Variants in GCN1 observed in about 807,000 individuals in gnomAD.
GCN1 encodes the protein GCN1 activator of EIF2AK4.
In GCN1, 90 loss-of-function variants were observed where a neutral mutation model predicts 288.4. The observed-to-expected ratio is 0.31, with a 90% CI of 0.26 to 0.37. The LOEUF is 0.37. GCN1 is among the 10% of genes least tolerant of loss of function. The pLI is 1.00. For synonymous variants in GCN1, 1,386 were observed against 1,420.2 expected, an observed-to-expected ratio of 0.98 and a Z score of 0.54; for missense variants, 2,586 against 3,419.9, an observed-to-expected ratio of 0.76 and a Z score of 6.08.
Position 120,144,911 on chromosome 12 carries a change from C to T in GCN1, c.5155+12G>A, listed in dbSNP as rs1352965216. 5 of 1,614,080 alleles carry T rather than the reference C, an allele frequency of 3.1e-6. No homozygotes were observed. The highest frequency in any genetic ancestry group is 4.2e-6 in the Non-Finnish European group (5 of 1,180,044). On this transcript the variant is annotated intron_variant, in intron 40 of 57. Transcript: ENST00000300648. The surrounding 1 kb of genome is among the most constrained non-coding windows in gnomAD (Gnocchi z 4.7). Reference sequence around the variant, plus strand: ...ATTCCCAGGCTGGCCACTGGACCTGCTCTGGCCTTACCCTGTGCAGCGCCT... The same window carrying T: ...ATTCCCAGGCTGGCCACTGGACCTGTTCTGGCCTTACCCTGTGCAGCGCCT...
chr12:120,174,465 A>T (rs1267734228), intron 12 of GCN1, among the ~76,000 whole-genome samples: 3 of 152,198 alleles, frequency 2.0e-5, no homozygotes, highest in African/African-American at 7.2e-5. Flanking sequence ...GATGCAAAGA[A>T]GGCTTCGCCT....
At position 120,134,287 on chromosome 12, in the gene GCN1, G is replaced by T; in HGVS notation, c.7317+4C>A. 4 of 1,602,240 alleles carry T rather than the reference G, an allele frequency of 2.5e-6. No individual in the cohort carries two copies. Among genetic ancestry groups the T allele is most frequent in the African/African-American group, 1.3e-5 (1 of 74,838 alleles). ...GCTGCCACTAGTCCTGCCTGCAGCC[G>T]TACCTCATCGTGTCCCAGCATGCTC... On this transcript the variant is annotated splice_donor_region_variant and intron_variant, in intron 53 of 57. Transcript: ENST00000300648. This position sits in a 1 kb window ranked among gnomAD's most constrained non-coding sequence, Gnocchi z 5.0.
rs1447889019 is a variant in GCN1, at chr12:120,137,819, A to T, written c.6394-5T>A. ...AGCCTGACAATTGGCCATCTCCTGC[A>T]AACCACAAGGGACATGTGTGCTGAG... On this transcript the variant is annotated splice_region_variant and splice_polypyrimidine_tract_variant and intron_variant, in intron 48 of 57. Coordinates refer to ENST00000300648, the MANE Select transcript of GCN1 (RefSeq NM_006836.2). The surrounding 1 kb of genome is among the most constrained non-coding windows in gnomAD (Gnocchi z 5.2). 1.7e-5 allele frequency: 27 copies of T among 1,613,336 alleles called. No individual in the cohort carries two copies. The highest frequency in any genetic ancestry group is 2.0e-5 in the Non-Finnish European group (23 of 1,179,370).
chr12:120,129,232 C>T lies in GCN1; in HGVS notation c.7890+44G>A, dbSNP rs765457878. The T allele has an allele frequency of 4.4e-6, 6 of 1,360,832 alleles. No individual in the cohort carries two copies. In the Admixed American group the frequency reaches 1.0e-4, roughly 23 times the overall value. The allele number at this position is 1,360,832 out of a possible 1,614,324, so 84.3% of individuals were successfully genotyped here. On this transcript the variant is annotated intron_variant, in intron 57 of 57. Coordinates refer to ENST00000300648, the MANE Select transcript of GCN1 (RefSeq NM_006836.2). ...TCCATGCTGAAGAAGAGCTGAAAGA[C>T]AAATGCTCACAGCACATCCTGGTGA...
Position 120,137,094 on chromosome 12 carries a change from C to T in GCN1, c.6777+112G>A, listed in dbSNP as rs1363148409. 6.5e-6 allele frequency: 5 copies of T among 768,254 alleles called. No individual in the cohort carries two copies. The highest frequency in any genetic ancestry group is 1.1e-5 in the Non-Finnish European group (5 of 435,780). The allele number at this position is 768,254 out of a possible 1,614,324, so 47.6% of individuals were successfully genotyped here. A position where few individuals can be genotyped will look rare whatever the true frequency, so the allele number is the denominator to read the frequency against. On this transcript the variant is annotated intron_variant, in intron 50 of 57. Coordinates refer to ENST00000300648, the MANE Select transcript of GCN1 (RefSeq NM_006836.2). The surrounding 1 kb of genome is among the most constrained non-coding windows in gnomAD (Gnocchi z 5.2). ...GTCTGCGAAGGTGCTGAACACCAAC[C>T]ACCACGGCTACTGCTCCAGCAGCCC...
At chr12:120,141,385 A>C (rs1005645475) in intron 44 of GCN1, among the ~76,000 whole-genome samples, 2 of 152,128 alleles carry the variant, frequency 1.3e-5, no homozygotes, top group Non-Finnish European at 2.9e-5. Context: ...CAAAGCTTTA[A>C]GGAAAAAAAA....
At chr12:120,167,696 C>T (rs2139122546) in intron 16 of GCN1, among the ~76,000 whole-genome samples, 1 of 152,218 alleles carries the variant, frequency 6.6e-6, no homozygotes, top group African/African-American at 2.4e-5. Flanking sequence ...AAATGACTAA[C>T]AGTTGTAGCT....
chr12:120,172,634 C>T (rs1361345760), intron 14 of GCN1, among the ~76,000 whole-genome samples: 2 of 152,030 alleles, frequency 1.3e-5, no homozygotes, highest in African/African-American at 4.8e-5. Flanking sequence ...CTCAGCCTCC[C>T]GAGTAGCTGG....
rs560198581 is a variant in GCN1 at position 120,152,412 on chromosome 12, A to C, written c.4062+801T>G. Among the ~76,000 whole-genome samples, 1,024 of 106,126 alleles carry C rather than the reference A, an allele frequency of 9.6e-3. 4 individuals are homozygous for C. The highest frequency in any genetic ancestry group is 0.014 in the Middle Eastern group (3 of 210). The allele number at this position is 106,126 out of a possible 152,430, so 69.6% of individuals were successfully genotyped here. On this transcript the variant is annotated intron_variant, in intron 33 of 57. Coordinates refer to ENST00000300648, the MANE Select transcript of GCN1 (RefSeq NM_006836.2). ...GCGCACACACACACACACACACACA[A>C]AATATATATATATAAATATATATAT...
At chr12:120,135,877 G>T (rs1424935752) in intron 51 of GCN1, among the ~76,000 whole-genome samples, 2 of 152,028 alleles carry the variant, frequency 1.3e-5, no homozygotes. Context: ...TTAGCCAGGT[G>T]TAGTGGCAGA....
Position 120,142,965 on chromosome 12 carries a change from G to T in GCN1, c.5496-24C>A. On this transcript the variant is annotated intron_variant, in intron 42 of 57. Transcript: ENST00000300648. The surrounding 1 kb of genome is among the most constrained non-coding windows in gnomAD (Gnocchi z 4.9). ...ACCTGAGAAGGAGGCCAACAACACA[G>T]TCACACAGCTGCAAGGAGTGGGCTC... The T allele has an allele frequency of 7.1e-7, 1 of 1,411,314 alleles. No individual in the cohort carries two copies. Among genetic ancestry groups the T allele is most frequent in the Non-Finnish European group, 1.0e-6 (1 of 995,064 alleles). 87.4% of individuals were successfully genotyped at this position (1,411,314 alleles called of 1,614,324 possible). A position where few individuals can be genotyped will look rare whatever the true frequency, so the allele number is the denominator to read the frequency against.
chr12:120,151,044 AG>A, intron 34 of GCN1, 100 bp downstream of exon 34: 1 of 1,324,206 alleles, frequency 7.6e-7, no homozygotes, highest in Non-Finnish European at 1.1e-6. Context: ...TACACGCACA[AG>A]CAACGGCCTC....
At chr12:120,165,002 T>TATACACACACACACACAC (rs533586250) in intron 16 of GCN1, among the ~76,000 whole-genome samples, 48 of 136,886 alleles carry the variant, frequency 3.5e-4, no homozygotes, top group African/African-American at 1.2e-3. Flanking sequence ...TACACATATA[T>TATACACACACACACACAC]ACACACACAC....
chr12:120,147,589 G>T (rs961844497), intron 37 of GCN1, among the ~76,000 whole-genome samples: 2 of 152,224 alleles, frequency 1.3e-5, no homozygotes, highest in Admixed American at 1.3e-4. Flanking sequence ...TAATGGAGAA[G>T]TGTGTTGAAA....
intron 50 of GCN1, among the ~76,000 whole-genome samples, chr12:120,136,988 T>C (rs2139086216): frequency 1.3e-5 from 2 of 152,310 alleles, no homozygotes; most frequent in Middle Eastern, 3.4e-3. Flanking sequence ...CCACTCACTC[T>C]GGCCAAGGTG....
intron 5 of GCN1, 140 bp downstream of exon 5, chr12:120,183,429 A>C: frequency 1.5e-6 from 1 of 660,220 alleles, no homozygotes; most frequent in Non-Finnish European, 2.8e-6. Flanking sequence ...CATCCACCAA[A>C]GCCACACACC....
In GCN1 at chr12:120,135,389, A is replaced by G. The variant is rs369928484; in HGVS notation, c.7009-663T>C. ...TTGTTTTGTTTTTTTTTTGAGACGG[A>G]GTTTCGCTCTTGTTGCCCAGGCTGG... On this transcript the variant is annotated intron_variant, in intron 51 of 57. Transcript: ENST00000300648. Among the ~76,000 whole-genome samples the G allele has an allele frequency of 1.3e-4, 19 of 151,374 alleles. No individual in the cohort carries two copies. The South Asian group carries it at 2.5e-3, about 20-fold the overall frequency.
chr12:120,138,539 A>G, intron 46 of GCN1, 124 bp from the exon 47 acceptor site: 2 of 1,021,306 alleles, frequency 2.0e-6, no homozygotes, highest in Non-Finnish European at 3.1e-6. Flanking sequence ...CTCACTGCCG[A>G]AGGCGAAGCA....
chr12:120,177,771 TG>T lies in GCN1; in HGVS notation c.661-20del, dbSNP rs1878527262. 6.3e-7 allele frequency: 1 copy of T among 1,575,782 alleles called. No individual in the cohort carries two copies. Among genetic ancestry groups the T allele is most frequent in the African/African-American group, 1.3e-5 (1 of 74,178 alleles). ...GGGCGCTCTAGAGAACACAAAGCTC[TG>T]GTTAGATCCTGACATTCTCAAGTAT... On this transcript the variant is annotated intron_variant, in intron 7 of 57. Transcript: ENST00000300648.
Sources: gnomAD v4.1 joint callset for allele counts (sites outside exome capture counted in the v4.1 genomes callset) on GRCh38, gnomAD v4.1.1 for gene constraint, Gnocchi (gnomAD v3.1) non-coding constraint, MANE v1.5 for transcripts, NCBI Gene and HGNC (gene_info 2026-07-23, HGNC 2026-07-21) for gene names.